SV2C: variants seen among roughly 807,000 people sequenced by gnomAD.
The protein encoded by SV2C is solute carrier family 22 member B3.
SV2C carries 49 observed loss-of-function variants against 79.7 expected under a neutral mutation model. The observed-to-expected ratio is 0.61, with a 90% CI of 0.49 to 0.78. The LOEUF is 0.78. SV2C is among the 30% of genes least tolerant of loss of function. SV2C has a pLI of 0.00. For missense variants in SV2C, 833 were observed against 912.9 expected (o/e 0.91, Z 1.13); for synonymous variants, 334 against 333.2 (o/e 1.00, Z -0.03).
the SV2C span, among the ~76,000 whole-genome samples, chr5:75,924,975 A>G: frequency 1.3e-5 from 2 of 152,228 alleles, no homozygotes; most frequent in African/African-American, 2.4e-5. Flanking sequence ...AAAACACCCT[A>G]GGAAATAAAA....
Position 76,301,449 on chromosome 5 carries a change from T to C in SV2C, c.1904T>C (p.Met635Thr), listed in dbSNP as rs1747995106. 4 of 1,614,042 alleles carry C rather than the reference T, an allele frequency of 2.5e-6. No homozygotes were observed. Among genetic ancestry groups the C allele is most frequent in the African/African-American group, 2.7e-5 (2 of 75,014 alleles). Residue 635 changes from methionine to threonine, a missense_variant, in exon 12 of 13, where the codon ATG (methionine) becomes ACG (threonine). Physicochemically the swap from Met to Thr is moderately conservative, Grantham distance 81. Coordinates refer to ENST00000502798, the MANE Select transcript of SV2C (RefSeq NM_014979.4). ...CTTTGGTTCGGCACCAGTGAATCCATGATGATAGGCATGCTGTGTCTGTAC... is the reference window on the plus strand; with the variant it reads ...CTTTGGTTCGGCACCAGTGAATCCACGATGATAGGCATGCTGTGTCTGTAC... ...FFLWFGTSES[M>T]MIGMLCLYNG...
the SV2C span, among the ~76,000 whole-genome samples, chr5:75,852,167 G>A: frequency 6.6e-6 from 1 of 152,260 alleles, no homozygotes; most frequent in South Asian, 2.1e-4. Flanking sequence ...CCTGTCAGGT[G>A]GTGGGGGGCT....
chr5:75,883,864 AAC>A, the SV2C span, among the ~76,000 whole-genome samples: 3 of 151,670 alleles, frequency 2.0e-5, no homozygotes, highest in African/African-American at 7.3e-5. Flanking sequence ...ACAAAAAAAA[AAC>A]ATTTCTTTCA....
the SV2C span, among the ~76,000 whole-genome samples, chr5:75,848,074 C>A: frequency 1.3e-5 from 2 of 152,168 alleles, no homozygotes; most frequent in Non-Finnish European, 2.9e-5. Context: ...TCCTAGGGAT[C>A]CAGTATGGGG....
At chr5:76,003,049 G>T in the SV2C span, among the ~76,000 whole-genome samples, 1 of 152,024 alleles carries the variant, frequency 6.6e-6, no homozygotes, top group Non-Finnish European at 1.5e-5. Flanking sequence ...GATAGTGAGT[G>T]AGTTCGCACA....
intron 1 of SV2C, among the ~76,000 whole-genome samples, chr5:76,098,848 G>T (rs1411156039): frequency 6.6e-6 from 1 of 152,194 alleles, no homozygotes; most frequent in Non-Finnish European, 1.5e-5. Flanking sequence ...AATATCAGGA[G>T]AATGATGCAA....
At chr5:76,040,648 C>A in the SV2C span, among the ~76,000 whole-genome samples, 63 of 152,208 alleles carry the variant, frequency 4.1e-4, no homozygotes, top group Non-Finnish European at 7.4e-5. Context: ...ACCCCAGTTG[C>A]TTCTTTCGAA....
the SV2C span, among the ~76,000 whole-genome samples, chr5:75,950,203 T>G: frequency 4.6e-5 from 7 of 152,084 alleles, no homozygotes; most frequent in Non-Finnish European, 1.0e-4. Context: ...ACAGAACTTA[T>G]GCTTGATCTT....
At chr5:75,868,759 A>C in the SV2C span, among the ~76,000 whole-genome samples, 1 of 152,150 alleles carries the variant, frequency 6.6e-6, no homozygotes, top group East Asian at 1.9e-4. Flanking sequence ...AAGGGAAGTC[A>C]GACTCAGAGC....
At chr5:76,049,266 G>A in the SV2C span, among the ~76,000 whole-genome samples, 1 of 151,386 alleles carries the variant, frequency 6.6e-6, no homozygotes, top group Non-Finnish European at 1.5e-5. Context: ...GAACCCGGGA[G>A]GCGGAGCTTA....
At chr5:76,199,648 G>A (rs1744375313) in intron 3 of SV2C, among the ~76,000 whole-genome samples, 1 of 152,248 alleles carries the variant, frequency 6.6e-6, no homozygotes, top group Non-Finnish European at 1.5e-5. Context: ...GAGTGGGCAT[G>A]GGTATTGTAA....
intron 2 of SV2C, chr5:76,173,697 G>C (rs376375896): frequency 2.5e-6 from 4 of 1,613,572 alleles, no homozygotes. Flanking sequence ...TTAATTTGCC[G>C]CACTAGGTCA....
At chr5:75,875,476 C>A in the SV2C span, among the ~76,000 whole-genome samples, 13 of 152,128 alleles carry the variant, frequency 8.5e-5, no homozygotes, top group East Asian at 2.5e-3. Flanking sequence ...AGTATAAAAA[C>A]CTTGGAAGAC....
chr5:76,117,819 G>A (rs538156380), intron 1 of SV2C, among the ~76,000 whole-genome samples: 10 of 152,202 alleles, frequency 6.6e-5, no homozygotes, highest in South Asian at 6.2e-4. Context: ...TTGGAAGTTC[G>A]GGAGGGCCTT....
the SV2C span, among the ~76,000 whole-genome samples, chr5:75,923,785 G>A: frequency 6.6e-6 from 1 of 152,120 alleles, no homozygotes. Flanking sequence ...GTGGTAAAAA[G>A]GGCACACTTT....
chr5:76,024,109 C>T, the SV2C span, among the ~76,000 whole-genome samples: 2 of 152,098 alleles, frequency 1.3e-5, no homozygotes, highest in Non-Finnish European at 2.9e-5. Context: ...TTTTTTCCTT[C>T]ACTCTCTGCC....
chr5:76,047,768 T>TC, the SV2C span, among the ~76,000 whole-genome samples: 1 of 138,630 alleles, frequency 7.2e-6, no homozygotes, highest in African/African-American at 3.0e-5. Flanking sequence ...TTTCTTTTCT[T>TC]TTTTTTTTTT....
the SV2C span, among the ~76,000 whole-genome samples, chr5:75,905,829 G>A: frequency 2.0e-5 from 3 of 151,552 alleles, no homozygotes; most frequent in Non-Finnish European, 4.4e-5. Flanking sequence ...TCTGCACAGG[G>A]TTTAATAGCA....
intron 4 of SV2C, among the ~76,000 whole-genome samples, chr5:76,234,393 G>A (rs7722224): frequency 0.12 from 17,904 of 152,124 alleles, 3,068 homozygotes; most frequent in African/African-American, 0.38. Context: ...ATCAAACTCA[G>A]TGTAACATAT....
Sources: allele counts gnomAD v4.1 joint callset (sites outside exome capture counted in the v4.1 genomes callset), GRCh38; gene constraint gnomAD v4.1.1; transcripts MANE v1.5; gene names NCBI Gene and HGNC (gene_info 2026-07-23, HGNC 2026-07-21).